ATP8B4: variants seen among roughly 807,000 people sequenced by gnomAD.
ATP8B4 encodes the protein ATPase phospholipid transporting 8B4 (putative), also known as probable phospholipid-transporting ATPase IM.
Under a neutral mutation model 145.6 loss-of-function variants are expected in ATP8B4, and 133 were observed. That is an observed-to-expected ratio of 0.91 (90% CI 0.79 to 1.05). ATP8B4 has a LOEUF of 1.05. Among genes scored for constraint, ATP8B4 ranks in the 50% least tolerant of loss-of-function variants. The probability of loss-of-function intolerance (pLI) is 0.00; values close to 1 mark genes in which losing one functional copy is unlikely to be tolerated. For synonymous variants in ATP8B4, 507 were observed against 492.9 expected, an observed-to-expected ratio of 1.03 and a Z score of -0.38; for missense variants, 1,458 against 1,425.2, an observed-to-expected ratio of 1.02 and a Z score of -0.37.
At chr15:50,087,065 TAAA>T (rs1315605651) in intron 2 of ATP8B4, among the ~76,000 whole-genome samples, 33 of 116,322 alleles carry the variant, frequency 2.8e-4, no homozygotes, top group Non-Finnish European at 3.9e-4. Flanking sequence ...TTATATATAA[TAAA>T]ATAATATAGA....
At chr15:50,073,005 TATATATATATATATAC>T (rs1331572968) in intron 3 of ATP8B4, among the ~76,000 whole-genome samples, 647 of 57,910 alleles carry the variant, frequency 0.011, 22 homozygotes, top group East Asian at 0.019. Flanking sequence ...TATATATATA[TATATATATATATATAC>T]ACACACACAC....
chr15:49,862,166 G>A, intron 27 of ATP8B4, 79 bp downstream of exon 27: 1 of 1,509,774 alleles, frequency 6.6e-7, no homozygotes, highest in Non-Finnish European at 9.0e-7. Flanking sequence ...CCATCTCTGA[G>A]CTTCCAATAA....
chr15:49,978,739 T>TACACACACAC (rs60436585), intron 12 of ATP8B4, among the ~76,000 whole-genome samples: 3,371 of 122,752 alleles, frequency 0.027, 101 homozygotes, highest in East Asian at 0.13. Flanking sequence ...CTTTATCAAA[T>TACACACACAC]ACACACACAC....
At chr15:49,895,863 ATCACTGACTAC>A (rs1307083856) in intron 23 of ATP8B4, 1 of 152,226 alleles carries the variant, frequency 6.6e-6, no homozygotes, top group Non-Finnish European at 1.5e-5. Context: ...GCAAATACAA[ATCACTGACTAC>A]TCTTCTGTGT....
At chr15:49,917,494 A>C (rs534304304) in intron 19 of ATP8B4, among the ~76,000 whole-genome samples, 48 of 144,182 alleles carry the variant, frequency 3.3e-4, no homozygotes, top group African/African-American at 1.4e-3. Context: ...GTTGAATGAC[A>C]AAAAAAAATG....
intron 23 of ATP8B4, among the ~76,000 whole-genome samples, chr15:49,890,002 A>G (rs938667408): frequency 2.0e-5 from 3 of 152,222 alleles, no homozygotes; most frequent in African/African-American, 7.2e-5. Context: ...TTATTCCAAA[A>G]GAAATTTTTG....
chr15:49,897,265 AAC>A, intron 23 of ATP8B4, 25 bp downstream of exon 23: 1 of 1,556,252 alleles, frequency 6.4e-7, no homozygotes, highest in Non-Finnish European at 8.8e-7. Context: ...CAAACAAACA[AAC>A]AAAAAAAAAC....
chr15:50,043,474 T>C (rs1372399998), intron 5 of ATP8B4, among the ~76,000 whole-genome samples: 1 of 152,158 alleles, frequency 6.6e-6, no homozygotes, highest in Non-Finnish European at 1.5e-5. Context: ...CCTCTGCTTC[T>C]GCAACCCCTG....
chr15:49,919,273 T>C (rs758378716), intron 18 of ATP8B4, among the ~76,000 whole-genome samples: 24 of 152,170 alleles, frequency 1.6e-4, no homozygotes, highest in Non-Finnish European at 2.6e-4. Context: ...TCCCCACTTA[T>C]ATCAACAGTG....
At chr15:49,864,423 G>A (rs551868791) in intron 26 of ATP8B4, among the ~76,000 whole-genome samples, 2 of 152,270 alleles carry the variant, frequency 1.3e-5, no homozygotes, top group South Asian at 4.1e-4. Flanking sequence ...GCCTGATTAA[G>A]TTCAAGAATG....
chr15:50,178,718 G>C (rs1280271633), intron 1 of ATP8B4, among the ~76,000 whole-genome samples: 6 of 152,028 alleles, frequency 3.9e-5, no homozygotes, highest in African/African-American at 7.3e-5. Flanking sequence ...TTCTTGGAAA[G>C]GGCTATATGT....
intron 1 of ATP8B4, among the ~76,000 whole-genome samples, chr15:50,175,515 A>T (rs770568045): frequency 5.3e-5 from 8 of 152,164 alleles, no homozygotes; most frequent in Non-Finnish European, 1.0e-4. Context: ...ACAACAAACA[A>T]TCCTATCGAC....
At chr15:49,952,662 G>T (rs982478731) in intron 14 of ATP8B4, among the ~76,000 whole-genome samples, 4 of 152,070 alleles carry the variant, frequency 2.6e-5, no homozygotes, top group African/African-American at 9.7e-5. Flanking sequence ...GCTCATCATA[G>T]TTTTTTATTA....
chr15:49,876,625 C>G (rs945686125), intron 24 of ATP8B4, 102 bp from the exon 25 acceptor site: 12 of 1,456,490 alleles, frequency 8.2e-6, no homozygotes, highest in Non-Finnish European at 1.1e-5. Flanking sequence ...TAAACATGTC[C>G]TAAAATGCAC....
At chr15:49,955,054 C>T (rs945906706) in intron 14 of ATP8B4, among the ~76,000 whole-genome samples, 4 of 152,186 alleles carry the variant, frequency 2.6e-5, no homozygotes, top group Admixed American at 2.6e-4. Flanking sequence ...AGGCCATTAT[C>T]TTAAGCAAAC....
chr15:49,917,090 G>A, intron 19 of ATP8B4, 51 bp from the exon 20 acceptor site: 1 of 1,564,488 alleles, frequency 6.4e-7, no homozygotes, highest in Non-Finnish European at 8.8e-7. Context: ...AATAACCTAA[G>A]TCCATTTTTA....
chr15:50,153,551 A>C (rs2044374151), intron 1 of ATP8B4, among the ~76,000 whole-genome samples: 1 of 152,084 alleles, frequency 6.6e-6, no homozygotes, highest in African/African-American at 2.4e-5. Context: ...GTTAGCCAGG[A>C]TAGTCTCGAT....
chr15:50,160,999 GTCTA>G (rs749426909), intron 1 of ATP8B4, among the ~76,000 whole-genome samples: 2 of 152,036 alleles, frequency 1.3e-5, no homozygotes, highest in Non-Finnish European at 2.9e-5. Flanking sequence ...TTGTATTGGG[GTCTA>G]TCTCTCTCTT....
chr15:50,019,580 C>T (rs1311946973), intron 6 of ATP8B4, among the ~76,000 whole-genome samples: 1 of 152,134 alleles, frequency 6.6e-6, no homozygotes, highest in African/African-American at 2.4e-5. Context: ...ATTGTACATT[C>T]TGATTTTGAT....
Sources: gnomAD v4.1 joint callset for allele counts (sites outside exome capture counted in the v4.1 genomes callset) on GRCh38, gnomAD v4.1.1 for gene constraint, MANE v1.5 for transcripts, NCBI Gene and HGNC (gene_info 2026-07-23, HGNC 2026-07-21) for gene names.